The following EVI5 variants were observed in gnomAD, a reference collection of about 807,000 sequenced individuals.
EVI5 encodes the protein ecotropic viral integration site 5, also known as ecotropic viral integration site 5 protein homolog.
Under a neutral mutation model 112.0 loss-of-function variants are expected in EVI5, and 73 were observed. The ratio of observed to expected loss-of-function variants is 0.65; its 90% CI spans 0.54 to 0.79. The LOEUF (loss-of-function observed/expected upper bound fraction) is 0.79, where lower values mean the gene tolerates loss of function less well. EVI5 is among the 30% of genes least tolerant of loss of function. The pLI, the probability that EVI5 is intolerant of heterozygous loss-of-function variation, is 0.00. For missense variants in EVI5, 900 were observed against 968.8 expected (o/e 0.93, Z 0.94); for synonymous variants, 305 against 319.9 (o/e 0.95, Z 0.50).
intron 18 of EVI5, among the ~76,000 whole-genome samples, chr1:92,565,527 T>C (rs886250486): frequency 2.6e-5 from 4 of 152,172 alleles, no homozygotes; most frequent in African/African-American, 9.7e-5. Context: ...CATTTGTCAA[T>C]GTGGAGATTC....
chr1:92,551,883 G>C (rs929310371), intron 19 of EVI5, among the ~76,000 whole-genome samples: 3 of 152,066 alleles, frequency 2.0e-5, no homozygotes, highest in Non-Finnish European at 4.4e-5. Flanking sequence ...ATAAACACTT[G>C]ACTTCCAGTT....
chr1:92,544,237 AT>A (rs1665308957), intron 19 of EVI5, among the ~76,000 whole-genome samples: 2 of 152,172 alleles, frequency 1.3e-5, no homozygotes, highest in Non-Finnish European at 2.9e-5. Context: ...TTTTGGAGAG[AT>A]AATGTTCTAG....
chr1:92,561,147 C>T (rs1668464704), intron 19 of EVI5, among the ~76,000 whole-genome samples: 1 of 152,160 alleles, frequency 6.6e-6, no homozygotes, highest in Non-Finnish European at 1.5e-5. Flanking sequence ...GGCCCACTTA[C>T]AGGAAAGAGA....
chr1:92,605,676 C>T (rs1377100470), intron 17 of EVI5, among the ~76,000 whole-genome samples: 2 of 152,128 alleles, frequency 1.3e-5, no homozygotes, highest in Non-Finnish European at 2.9e-5. Context: ...TATGAAAAAA[C>T]TCCAGGGTTT....
chr1:92,666,787 T>C (rs905963049), intron 10 of EVI5, among the ~76,000 whole-genome samples: 8 of 152,302 alleles, frequency 5.3e-5, no homozygotes, highest in East Asian at 1.9e-4. Flanking sequence ...CTACAGTACA[T>C]ATAGAAATAA....
In EVI5 at chr1:92,769,710, G is replaced by A. The variant is rs145742554; in HGVS notation, c.-82+15126C>T. Among the ~76,000 whole-genome samples the A allele has an allele frequency of 5.3e-5, 8 of 152,102 alleles. No homozygotes were observed. In the South Asian group the frequency reaches 1.5e-3, roughly 28 times the overall value. ...ATCCTGGGTAACATGGTGAAACCTC[G>A]TCTCTACTAAAAAAAATATATAAAA... On this transcript the variant is annotated intron_variant, in intron 1 of 19. Coordinates refer to ENST00000684568, the MANE Select transcript of EVI5 (RefSeq NM_001350197.2).
chr1:92,513,757 T>C lies in EVI5; in HGVS notation c.2380A>G (p.Ser794Gly), dbSNP rs368759252. 3.1e-6 allele frequency: 5 copies of C among 1,613,786 alleles called. No homozygotes were observed. The highest frequency in any genetic ancestry group is 1.3e-5 in the African/African-American group (1 of 74,936). ...TCCAGCACACTGTCTTCTGTTTCGC[T>C]CTCACTACCATCTGCCACTGCGGGG... ...LDPAVADGSE[S>G]ETEDSVLETR... Residue 794 changes from serine (S) to glycine (G), a missense_variant, in exon 20 of 20, where the codon AGC (serine) becomes GGC (glycine). Ser to Gly is a moderately conservative substitution (Grantham distance 56). Coordinates refer to ENST00000684568, the MANE Select transcript of EVI5 (RefSeq NM_001350197.2).
At chr1:92,535,589 T>C (rs1196271304) in intron 19 of EVI5, among the ~76,000 whole-genome samples, 1 of 152,076 alleles carries the variant, frequency 6.6e-6, no homozygotes, top group Admixed American at 6.6e-5. Context: ...TAAAAAAAAA[T>C]GAGTTCATGT....
chr1:92,633,710 A>T (rs76009107), intron 14 of EVI5, among the ~76,000 whole-genome samples: 3 of 152,240 alleles, frequency 2.0e-5, no homozygotes, highest in South Asian at 4.2e-4. Flanking sequence ...TTTGATCCTG[A>T]CATTATGATG....
chr1:92,733,162 C>T lies in EVI5; in HGVS notation c.149+3236G>A, dbSNP rs541223707. The T allele has an allele frequency of 2.6e-5, 6 of 226,750 alleles. No homozygotes were observed. The East Asian group carries it at 6.6e-4, about 25-fold the overall frequency. 14.0% of individuals were successfully genotyped at this position (226,750 alleles called of 1,614,324 possible). On this transcript the variant is annotated intron_variant, in intron 2 of 19. Coordinates refer to ENST00000684568, the MANE Select transcript of EVI5 (RefSeq NM_001350197.2). Reference sequence around the variant, plus strand: ...GAACTTACTTTGGAAACCTGGATTGCTAAATTGGATTGTCCTTTATAAAAT... The same window carrying T: ...GAACTTACTTTGGAAACCTGGATTGTTAAATTGGATTGTCCTTTATAAAAT...
chr1:92,727,334 C>G (rs980079242), intron 2 of EVI5, among the ~76,000 whole-genome samples: 4 of 152,260 alleles, frequency 2.6e-5, no homozygotes, highest in Admixed American at 1.3e-4. Context: ...AAACTGTACC[C>G]TTTAAAAGTG....
intron 19 of EVI5, among the ~76,000 whole-genome samples, chr1:92,550,781 AATATATAT>A (rs1330757944): frequency 0.024 from 479 of 20,328 alleles, 14 homozygotes; most frequent in Admixed American, 0.027. Flanking sequence ...AAAAAAAAAA[AATATATAT>A]ATATATATAT....
intron 1 of EVI5, among the ~76,000 whole-genome samples, chr1:92,742,133 A>T (rs1316838311): frequency 1.3e-5 from 2 of 152,176 alleles, no homozygotes; most frequent in African/African-American, 4.8e-5. Flanking sequence ...AAATAATCTG[A>T]TTAAAAGATG....
At chr1:92,683,556 G>T (rs1046699203) in intron 9 of EVI5, among the ~76,000 whole-genome samples, 7 of 152,162 alleles carry the variant, frequency 4.6e-5, no homozygotes, top group South Asian at 4.1e-4. Flanking sequence ...TGGAGAATGA[G>T]TTTGACGAGT....
At chr1:92,659,861 C>G (rs1430247502) in intron 13 of EVI5, among the ~76,000 whole-genome samples, 1 of 151,378 alleles carries the variant, frequency 6.6e-6, no homozygotes, top group Non-Finnish European at 1.5e-5. Flanking sequence ...TGACTGAATA[C>G]AAAAAAATGG....
intron 13 of EVI5, among the ~76,000 whole-genome samples, chr1:92,648,224 A>G (rs1023645696): frequency 8.4e-6 from 1 of 119,336 alleles, no homozygotes; most frequent in Admixed American, 8.4e-5. Context: ...AAAAACAAAA[A>G]CCAGCCGGGC....
chr1:92,591,373 A>C (rs6695190), intron 18 of EVI5, among the ~76,000 whole-genome samples: 140,164 of 152,164 alleles, frequency 0.92, 64,646 homozygotes, highest in East Asian at 0.97. Context: ...ACCCACCTCA[A>C]GTGCAGAGAC....
chr1:92,601,243 A>C (rs1048913175), intron 18 of EVI5, among the ~76,000 whole-genome samples: 7 of 152,204 alleles, frequency 4.6e-5, no homozygotes, highest in African/African-American at 1.7e-4. Context: ...AAGATGAAAG[A>C]CAGTAAGTGC....
intron 19 of EVI5, among the ~76,000 whole-genome samples, chr1:92,539,522 G>A (rs543746829): frequency 3.1e-5 from 4 of 127,438 alleles, no homozygotes; most frequent in Non-Finnish European, 4.7e-5. Context: ...CAGCCTGGGC[G>A]ACAGAGCTAG....
Sources: allele counts gnomAD v4.1 joint callset (sites outside exome capture counted in the v4.1 genomes callset), GRCh38; gene constraint gnomAD v4.1.1; transcripts MANE v1.5; gene names NCBI Gene and HGNC (gene_info 2026-07-23, HGNC 2026-07-21).